STRN4: variants seen among roughly 807,000 people sequenced by gnomAD.
STRN4 encodes striatin-4.
In STRN4, 27 loss-of-function variants were observed where a neutral mutation model predicts 77.9. That is an observed-to-expected ratio of 0.35 (90% CI 0.26 to 0.48). The LOEUF is 0.48. STRN4 is among the 20% of genes least tolerant of loss of function. The pLI is 0.99. For missense variants in STRN4, 798 were observed against 1,049.7 expected (o/e 0.76, Z 3.31); for synonymous variants, 466 against 443.1 (o/e 1.05, Z -0.65).
At chr19:46,720,444 G>A (rs1332167587) in intron 17 of STRN4, 92 bp downstream of exon 17, 1 of 903,930 alleles carries the variant, frequency 1.1e-6, no homozygotes. Context: ...GATTCTCACA[G>A]GACGCCCCTG....
intron 1 of STRN4, among the ~76,000 whole-genome samples, chr19:46,743,599 G>C (rs1289005121): frequency 6.6e-6 from 1 of 152,112 alleles, no homozygotes; most frequent in African/African-American, 2.4e-5. Context: ...ACAGAACATG[G>C]GCTTAAAAGT....
chr19:46,726,778 G>A (rs2054127153), intron 9 of STRN4, among the ~76,000 whole-genome samples: 1 of 152,130 alleles, frequency 6.6e-6, no homozygotes. Flanking sequence ...TGTCCCTTCT[G>A]CCACAGTTCT....
intron 16 of STRN4, chr19:46,721,267 GC>G: frequency 6.5e-6 from 1 of 154,704 alleles, no homozygotes; most frequent in Non-Finnish European, 1.4e-5. Flanking sequence ...GCTGGGCAGG[GC>G]CCTGGCGAGG....
intron 9 of STRN4, among the ~76,000 whole-genome samples, chr19:46,727,102 C>T (rs1363783507): frequency 2.0e-5 from 3 of 152,020 alleles, no homozygotes; most frequent in African/African-American, 4.8e-5. Flanking sequence ...GCCAGAGGCC[C>T]GTCCACTGAG....
Position 46,722,285 on chromosome 19 carries a change from G to A in STRN4, c.1962C>T (p.Thr654=), listed in dbSNP as rs146933947. Residue 654 remains threonine, a synonymous_variant, in exon 15 of 18, where the codon ACC becomes ACT. Transcript: ENST00000263280. ...VSHPNQPLTI[T]AHDDRGIRFL... is the part of the protein sequence containing the mutation. ...AGCGGATGCCCCTGTCGTCGTGGGC[G>A]GTGATGGTGAGAGGCTGGTTTGGAT... 238 of 1,614,042 alleles carry A rather than the reference G, an allele frequency of 1.5e-4. 1 individual carries two copies. Among genetic ancestry groups the A allele is most frequent in the Non-Finnish European group, 1.9e-4 (219 of 1,180,036 alleles).
chr19:46,725,797 C>T, intron 9 of STRN4, 149 bp from the exon 10 acceptor site: 2 of 989,110 alleles, frequency 2.0e-6, no homozygotes, highest in Admixed American at 2.7e-5. Flanking sequence ...CGGGAACTCT[C>T]CCCTTCCTCT....
chr19:46,739,676 G>A (rs1443422230), intron 1 of STRN4, among the ~76,000 whole-genome samples: 1 of 152,184 alleles, frequency 6.6e-6, no homozygotes, highest in Non-Finnish European at 1.5e-5. Context: ...TTCTCCCCAA[G>A]CACCCCACCG....
chr19:46,738,362 G>T lies in STRN4; in HGVS notation c.387-125C>A. 1.1e-6 allele frequency: 1 copy of T among 921,316 alleles called. No homozygotes were observed. Among genetic ancestry groups the T allele is most frequent in the Non-Finnish European group, 1.7e-6 (1 of 577,756 alleles). 57.1% of individuals were successfully genotyped at this position (921,316 alleles called of 1,614,324 possible). ...CTCCCCCAGCTCGTCTACTACTGAGGCTGAAGCATCCCCCCACACCCCTGG... is the reference window on the plus strand; with the variant it reads ...CTCCCCCAGCTCGTCTACTACTGAGTCTGAAGCATCCCCCCACACCCCTGG... On this transcript the variant is annotated intron_variant, in intron 2 of 17. Coordinates refer to ENST00000263280, the MANE Select transcript of STRN4 (RefSeq NM_013403.3). The surrounding 1 kb of genome is among the most constrained non-coding windows in gnomAD (Gnocchi z 4.5).
Position 46,730,774 on chromosome 19 carries a change from G to A in STRN4, c.837C>T (p.Asp279=), listed in dbSNP as rs771199228. 3.1e-6 allele frequency: 5 copies of A among 1,612,792 alleles called. No individual in the cohort carries two copies. Among genetic ancestry groups the A allele is most frequent in the African/African-American group, 2.7e-5 (2 of 74,936 alleles). Residue 279 remains aspartate, a synonymous_variant, in exon 6 of 18, where the codon GAC becomes GAT. Transcript: ENST00000263280. The part of the protein sequence containing the change: ...QNCEDEDSDE[D]DELDSVQHKK... ...TGTGCTGCACGCTGTCCAGCTCATCGTCCTCGTCGCTGTCTTCGTCCTCGC... is the reference window on the plus strand; with the variant it reads ...TGTGCTGCACGCTGTCCAGCTCATCATCCTCGTCGCTGTCTTCGTCCTCGC...
In STRN4 at chr19:46,728,013, G is replaced by A. The variant is rs2054160919; in HGVS notation, c.1040-6C>T. On this transcript the variant is annotated splice_region_variant and splice_polypyrimidine_tract_variant and intron_variant, in intron 7 of 17. Coordinates refer to ENST00000263280, the MANE Select transcript of STRN4 (RefSeq NM_013403.3). ...GAGTTTGACCCGACGGCTTTCTGCA[G>A]GGTCGAGGCATAGGGCCGGAGTCAC... 1.9e-6 allele frequency: 3 copies of A among 1,613,158 alleles called. No individual in the cohort carries two copies. Among genetic ancestry groups the A allele is most frequent in the Non-Finnish European group, 2.5e-6 (3 of 1,179,780 alleles).
At chr19:46,725,257 C>A (rs752363915) in intron 11 of STRN4, 75 bp downstream of exon 11, 2 of 1,603,734 alleles carry the variant, frequency 1.2e-6, no homozygotes. Context: ...GGGCCTCCCG[C>A]GATGGCAGTG....
At chr19:46,742,882 A>G (rs2054499084) in intron 1 of STRN4, among the ~76,000 whole-genome samples, 1 of 152,168 alleles carries the variant, frequency 6.6e-6, no homozygotes, top group Non-Finnish European at 1.5e-5. Context: ...TCATAAACAC[A>G]TCCATTCTAC....
At chr19:46,740,917 G>A (rs936636008) in intron 1 of STRN4, among the ~76,000 whole-genome samples, 1 of 152,218 alleles carries the variant, frequency 6.6e-6, no homozygotes, top group African/African-American at 2.4e-5. Context: ...CCAGGGGAGG[G>A]AAGGGCCCTG....
chr19:46,731,062 C>G, intron 5 of STRN4, 189 bp from the exon 6 acceptor site: 3 of 789,002 alleles, frequency 3.8e-6, no homozygotes, highest in Non-Finnish European at 3.9e-6. Flanking sequence ...CTCATTCCAA[C>G]TGGAAGCCTC....
In STRN4 at chr19:46,720,519, G is replaced by C. The variant is rs2053952203; in HGVS notation, c.*66+17C>G. On this transcript the variant is annotated intron_variant, in intron 17 of 17. Transcript: ENST00000263280. ...ATGGGCGTGCAGAGACTCAGAATGC[G>C]GGGTTTCTGCCCTCACCTCAGCCCC... The C allele has an allele frequency of 7.0e-7, 1 of 1,420,796 alleles. No individual in the cohort carries two copies. The highest frequency in any genetic ancestry group is 2.5e-5 in the East Asian group (1 of 39,748). 88.0% of individuals were successfully genotyped at this position (1,420,796 alleles called of 1,614,324 possible).
In STRN4 at chr19:46,728,650, C is replaced by A. The variant is rs201327788; in HGVS notation, c.1007G>T (p.Arg336Leu). 1 of 1,614,030 alleles carries A rather than the reference C, an allele frequency of 6.2e-7. No homozygotes were observed. The highest frequency in any genetic ancestry group is 1.1e-5 in the South Asian group (1 of 91,080). The change falls in exon 7 of 18, where the codon CGG becomes CTG. Residue 336 changes from arginine (R) to leucine (L), a missense_variant. By Grantham distance (102) the Arg-to-Leu change is moderately radical. Around this residue, in one of 2 missense-constraint regions of STRN4, gnomAD observed 511 missense variants for 575.9 expected, o/e 0.89. Coordinates refer to ENST00000263280, the MANE Select transcript of STRN4 (RefSeq NM_013403.3). ...EDGEGAPDPR[R>L]CTVDGSPHEL... is the part of the protein sequence containing the mutation. ...ATGGGGGCTCCCATCCACAGTGCACCGCCGAGGGTCTGGAGCCCCTTCCCC... is the reference window on the plus strand; with the variant it reads ...ATGGGGGCTCCCATCCACAGTGCACAGCCGAGGGTCTGGAGCCCCTTCCCC...
At position 46,746,399 on chromosome 19, in the gene STRN4, G is replaced by GCGA; in HGVS notation, c.29_31dup (p.Val10dup). Reference sequence around the variant, plus strand: ...CGGACGGCAGGAGGAGGCGGCGGCGGCGACCGCGGCGGCCGCTCGCTCCTC... The same window carrying GCGA: ...CGGACGGCAGGAGGAGGCGGCGGCGGCGACGACCGCGGCGGCCGCTCGCTCCTC... On this transcript the variant is annotated inframe_insertion, in exon 1 of 18. Transcript: ENST00000263280. 2 of 1,062,154 alleles carry GCGA rather than the reference G, an allele frequency of 1.9e-6. No homozygotes were observed. The highest frequency in any genetic ancestry group is 1.1e-6 in the Non-Finnish European group (1 of 882,492). 65.8% of individuals were successfully genotyped at this position (1,062,154 alleles called of 1,614,324 possible). A position where few individuals can be genotyped will look rare whatever the true frequency, so the allele number is the denominator to read the frequency against.
At chr19:46,740,962 G>C (rs1038771526) in intron 1 of STRN4, among the ~76,000 whole-genome samples, 1 of 152,238 alleles carries the variant, frequency 6.6e-6, no homozygotes, top group Admixed American at 6.5e-5. Flanking sequence ...TGCATGGTGG[G>C]CTTAAGGAAC....
rs779096535 is a variant in STRN4, at chr19:46,723,250, G to A, written c.1629C>T (p.His543=). The A allele has an allele frequency of 9.0e-6, 14 of 1,550,428 alleles. No homozygotes were observed. The highest frequency in any genetic ancestry group is 4.7e-5 in the South Asian group (4 of 84,258). ...PSVLSHVLEG[H]GDAVWGLAFS... is the part of the protein sequence containing the mutation. ...AGGCCAGGCCCCACACGGCGTCCCC[G>A]TGGCCCTCCAGGACGTGGCTCAGCA... Residue 543 remains histidine (H), a synonymous_variant, in exon 13 of 18, where the codon CAC becomes CAT. Transcript: ENST00000263280. The surrounding 1 kb of genome is among the most constrained non-coding windows in gnomAD (Gnocchi z 5.5).
Sources: allele counts gnomAD v4.1 joint callset (sites outside exome capture counted in the v4.1 genomes callset), GRCh38; gene constraint gnomAD v4.1.1; regional missense constraint gnomAD v4.1.1; non-coding constraint Gnocchi (gnomAD v3.1); transcripts MANE v1.5; gene names NCBI Gene and HGNC (gene_info 2026-07-23, HGNC 2026-07-21).